The following MERTK variants were observed in gnomAD, a reference collection of about 807,000 sequenced individuals.
MERTK encodes tyrosine-protein kinase Mer.
In MERTK, 69 loss-of-function variants were observed where a neutral mutation model predicts 99.3. The ratio of observed to expected loss-of-function variants is 0.70; its 90% confidence interval spans 0.57 to 0.85. MERTK has a LOEUF of 0.85. MERTK is among the 40% of genes least tolerant of loss of function. The pLI is 0.00. For synonymous variants in MERTK, 426 were observed against 467.6 expected (o/e 0.91, Z 1.15); for missense variants, 1,125 against 1,249.4 (o/e 0.90, Z 1.50).
chr2:111,904,436 G>T (rs1684100711), intron 1 of MERTK, among the ~76,000 whole-genome samples: 1 of 151,454 alleles, frequency 6.6e-6, no homozygotes, highest in Non-Finnish European at 1.5e-5. Context: ...AGTGCATGTG[G>T]CGCGATCTCG....
intron 11 of MERTK, among the ~76,000 whole-genome samples, chr2:112,001,510 A>ACT (rs1474081801): frequency 6.6e-6 from 1 of 152,180 alleles, no homozygotes; most frequent in East Asian, 1.9e-4. Flanking sequence ...GGTTAAAAGG[A>ACT]CTCACAATGT....
intron 1 of MERTK, among the ~76,000 whole-genome samples, chr2:111,911,689 CTTTTTTTTTTTTTT>C (rs34867670): frequency 2.4e-3 from 140 of 57,744 alleles, no homozygotes; most frequent in South Asian, 0.014. Context: ...AGCGCCCAGC[CTTTTTTTTTTTTTT>C]TTTTTTTTTT....
At chr2:111,919,654 TG>T (rs1684417227) in intron 1 of MERTK, among the ~76,000 whole-genome samples, 2 of 150,326 alleles carry the variant, frequency 1.3e-5, no homozygotes, top group South Asian at 2.1e-4. Flanking sequence ...AGTGAAAAAG[TG>T]GGGGACAGGC....
At chr2:111,933,960 A>G (rs569389277) in intron 2 of MERTK, among the ~76,000 whole-genome samples, 1 of 146,966 alleles carries the variant, frequency 6.8e-6, no homozygotes, top group Non-Finnish European at 1.5e-5. Flanking sequence ...GATGAGTGAG[A>G]GAATATGCAA....
At chr2:112,004,049 A>G (rs943396769) in intron 13 of MERTK, 65 bp downstream of exon 13, 108 of 1,340,868 alleles carry the variant, frequency 8.1e-5, no homozygotes, top group Admixed American at 3.2e-4. Flanking sequence ...TGGGTGCTCC[A>G]TGAGGCCATA....
intron 1 of MERTK, among the ~76,000 whole-genome samples, chr2:111,924,937 G>C: frequency 6.6e-6 from 1 of 152,038 alleles, no homozygotes; most frequent in Admixed American, 6.6e-5. Flanking sequence ...AGGTATCATG[G>C]AGCTTTCAGT....
At chr2:112,000,856 A>G (rs1322980976) in intron 10 of MERTK, among the ~76,000 whole-genome samples, 1 of 152,170 alleles carries the variant, frequency 6.6e-6, no homozygotes, top group Non-Finnish European at 1.5e-5. Flanking sequence ...CTTTTCTTCC[A>G]TTCATTCATT....
chr2:111,998,186 G>A (rs1262572900), intron 10 of MERTK, among the ~76,000 whole-genome samples: 1 of 152,196 alleles, frequency 6.6e-6, no homozygotes, highest in East Asian at 1.9e-4. Flanking sequence ...AGTCTTAGGG[G>A]TCAGTTACTT....
intron 8 of MERTK, among the ~76,000 whole-genome samples, chr2:111,992,347 G>T (rs1424453322): frequency 6.6e-6 from 1 of 150,920 alleles, no homozygotes; most frequent in Non-Finnish European, 1.5e-5. Flanking sequence ...AGTGGAATAC[G>T]TGGAGGTTTC....
intron 1 of MERTK, among the ~76,000 whole-genome samples, chr2:111,928,769 AGCCACCGC>A (rs1684614407): frequency 6.6e-6 from 1 of 152,202 alleles, no homozygotes; most frequent in Non-Finnish European, 1.5e-5. Flanking sequence ...TACAGGTGTG[AGCCACCGC>A]GCCTGGCCAA....
chr2:111,965,813 A>G (rs1345588108), intron 5 of MERTK, among the ~76,000 whole-genome samples: 1 of 152,094 alleles, frequency 6.6e-6, no homozygotes, highest in Non-Finnish European at 1.5e-5. Flanking sequence ...TTGGAGCCCA[A>G]TGCTCCTATC....
At chr2:111,988,928 G>T (rs953161090) in intron 8 of MERTK, among the ~76,000 whole-genome samples, 6 of 152,170 alleles carry the variant, frequency 3.9e-5, no homozygotes, top group Non-Finnish European at 8.8e-5. Context: ...CAGCCTAGGG[G>T]ACAGAGCGAG....
rs372747015 is a variant in MERTK, at chr2:111,925,292, A to ATATTT, written c.62-3827_62-3826insATTTT. 5.3e-3 allele frequency among the ~76,000 whole-genome samples: 129 copies of ATATTT among 24,506 alleles called. 9 individuals are homozygous for ATATTT. Among genetic ancestry groups the ATATTT allele is most frequent in the Non-Finnish European group, 6.5e-3 (89 of 13,748 alleles). The allele number at this position is 24,506 out of a possible 152,430, so 16.1% of individuals were successfully genotyped here. The stretch of plus-strand genomic sequence containing the variant: ...ACAGATCAGATATATATATATATAT[A>ATATTT]TTTTTTTTTTTTTTTTTTTTTTTTT... On this transcript the variant is annotated intron_variant, in intron 1 of 18. Coordinates refer to ENST00000295408, the MANE Select transcript of MERTK (RefSeq NM_006343.3).
intron 8 of MERTK, among the ~76,000 whole-genome samples, chr2:111,992,957 G>A (rs1020064113): frequency 1.3e-5 from 2 of 152,042 alleles, no homozygotes; most frequent in African/African-American, 4.8e-5. Context: ...ACTCTTGGGG[G>A]CTGAGCCCAC....
At chr2:111,908,783 A>G (rs544436292) in intron 1 of MERTK, among the ~76,000 whole-genome samples, 42 of 152,274 alleles carry the variant, frequency 2.8e-4, no homozygotes, top group African/African-American at 1.0e-3. Context: ...TTTAGAACAC[A>G]TTGTTCCTTA....
At chr2:111,909,262 G>C (rs1202614172) in intron 1 of MERTK, among the ~76,000 whole-genome samples, 2 of 152,180 alleles carry the variant, frequency 1.3e-5, no homozygotes, top group Non-Finnish European at 2.9e-5. Flanking sequence ...GAGTGGTTAA[G>C]TTAAATATTA....
At chr2:111,978,588 G>A (rs998037070) in intron 7 of MERTK, among the ~76,000 whole-genome samples, 1 of 152,164 alleles carries the variant, frequency 6.6e-6, no homozygotes, top group African/African-American at 2.4e-5. Context: ...TATAATAGGG[G>A]ATTATAGGCA....
chr2:111,984,210 T>A (rs1439056333), intron 8 of MERTK, among the ~76,000 whole-genome samples: 3 of 152,048 alleles, frequency 2.0e-5, no homozygotes, highest in African/African-American at 7.2e-5. Context: ...CTCCTTTCTT[T>A]ACCTTTTGTT....
At chr2:111,934,885 C>G (rs1243549567) in intron 2 of MERTK, among the ~76,000 whole-genome samples, 1 of 152,096 alleles carries the variant, frequency 6.6e-6, no homozygotes. Flanking sequence ...GGGAAAGCAT[C>G]TGGTCTTTGG....
Sources: allele counts gnomAD v4.1 joint callset (sites outside exome capture counted in the v4.1 genomes callset), GRCh38; gene constraint gnomAD v4.1.1; transcripts MANE v1.5; gene names NCBI Gene and HGNC (gene_info 2026-07-23, HGNC 2026-07-21).